The following EDNRB variants were observed in gnomAD, a reference collection of about 807,000 sequenced individuals.
EDNRB encodes Hirschsprung disease 2.
Under a neutral mutation model 46.4 loss-of-function variants are expected in EDNRB, and 18 were observed. That is an observed-to-expected ratio of 0.39 (90% CI 0.27 to 0.57). The LOEUF (loss-of-function observed/expected upper bound fraction) is 0.57, where lower values mean the gene tolerates loss of function less well. EDNRB is among the 20% of genes least tolerant of loss of function. The probability of loss-of-function intolerance (pLI) is 0.61; values close to 1 mark genes in which losing one functional copy is unlikely to be tolerated. For synonymous variants in EDNRB, 213 were observed against 204.9 expected (o/e 1.04, Z -0.34); for missense variants, 434 against 537.5 (o/e 0.81, Z 1.90).
At chr13:77,946,032 ACCATG>A (rs1230215268) in intron 1 of EDNRB, among the ~76,000 whole-genome samples, 2 of 152,192 alleles carry the variant, frequency 1.3e-5, no homozygotes, top group African/African-American at 4.8e-5. Flanking sequence ...TGAAAAATTT[ACCATG>A]CCGTGAATCC....
intron 1 of EDNRB, among the ~76,000 whole-genome samples, chr13:77,948,531 C>A (rs1306271572): frequency 6.6e-6 from 1 of 152,090 alleles, no homozygotes; most frequent in Non-Finnish European, 1.5e-5. Flanking sequence ...CTTTAAGAGG[C>A]TTTGCAAATG....
In EDNRB at chr13:77,954,563, G is replaced by T. The variant is rs529454765; in HGVS notation, c.-52+20784C>A. ...GTCTCACTCTGTCACCCAGGCTGGA[G>T]TGTAGTGGCACGATCTCGGCTCACT... On this transcript the variant is annotated intron_variant, in intron 1 of 7. Transcript: ENST00000646948. Among the ~76,000 whole-genome samples, 3 of 151,788 alleles carry T rather than the reference G, an allele frequency of 2.0e-5. No individual in the cohort carries two copies. In the East Asian group the frequency reaches 5.8e-4, roughly 29 times the overall value.
chr13:77,961,819 C>CA (rs1881421608), intron 1 of EDNRB, among the ~76,000 whole-genome samples: 1 of 152,026 alleles, frequency 6.6e-6, no homozygotes, highest in South Asian at 2.1e-4. Flanking sequence ...AAAAACCCTT[C>CA]AAAAAATCAA....
intron 1 of EDNRB, among the ~76,000 whole-genome samples, chr13:77,929,400 T>G (rs1880323668): frequency 6.6e-6 from 1 of 152,226 alleles, no homozygotes; most frequent in African/African-American, 2.4e-5. Flanking sequence ...TCCAATATTT[T>G]GTTGGCATCA....
At position 77,964,113 on chromosome 13, in the gene EDNRB, A is replaced by G. The variant is rs917350138; in HGVS notation, c.-52+11234T>C. Among the ~76,000 whole-genome samples the G allele has an allele frequency of 4.3e-4, 66 of 152,224 alleles. 3 individuals are homozygous for G. Among genetic ancestry groups the G allele is most frequent in the Non-Finnish European group, 1.9e-4 (13 of 68,034 alleles). On this transcript the variant is annotated intron_variant, in intron 1 of 7. Coordinates refer to the EDNRB transcript ENST00000646948. Reference sequence around the variant, plus strand: ...TTACAATGGCAATCATTAAAAAGTCAGGAAACAACAGGTGCTGGAGAGGAT... The same window carrying G: ...TTACAATGGCAATCATTAAAAAGTCGGGAAACAACAGGTGCTGGAGAGGAT...
chr13:77,914,290 C>T (rs916979891), intron 1 of EDNRB, among the ~76,000 whole-genome samples: 16 of 152,120 alleles, frequency 1.1e-4, no homozygotes, highest in African/African-American at 3.1e-4. Context: ...ATACTCAAAA[C>T]GCACATACAC....
At chr13:77,942,531 C>T (rs145867945) in intron 1 of EDNRB, among the ~76,000 whole-genome samples, 1,998 of 152,152 alleles carry the variant, frequency 0.013, 41 homozygotes, top group African/African-American at 0.046. Context: ...CATAATATTT[C>T]GTCTTTTCTT....
At chr13:77,957,952 T>C (rs1881288309) in intron 1 of EDNRB, among the ~76,000 whole-genome samples, 1 of 152,224 alleles carries the variant, frequency 6.6e-6, no homozygotes, top group African/African-American at 2.4e-5. Flanking sequence ...TTTTGCTATA[T>C]GTTAGAGTCT....
intron 1 of EDNRB, among the ~76,000 whole-genome samples, chr13:77,966,077 T>TA (rs966275457): frequency 7.9e-5 from 12 of 152,030 alleles, no homozygotes; most frequent in African/African-American, 2.9e-4. Context: ...TTTGAAGAGA[T>TA]AGAGTCTTGC....
At chr13:77,902,797 A>G (rs543891715) in intron 3 of EDNRB, among the ~76,000 whole-genome samples, 31 of 152,120 alleles carry the variant, frequency 2.0e-4, no homozygotes, top group African/African-American at 6.7e-4. Flanking sequence ...CTTCTATAGA[A>G]GTAAATTGCC....
chr13:77,936,995 T>C (rs1013226642), intron 1 of EDNRB, among the ~76,000 whole-genome samples: 8 of 152,188 alleles, frequency 5.3e-5, no homozygotes, highest in Non-Finnish European at 1.2e-4. Context: ...ATTCCTGTTG[T>C]GGGGTTTGAG....
chr13:77,906,737 A>G (rs555591215), intron 1 of EDNRB, among the ~76,000 whole-genome samples: 1 of 152,120 alleles, frequency 6.6e-6, no homozygotes, highest in South Asian at 2.1e-4. Context: ...TTCTTGAGAG[A>G]CCCTAAGCCA....
Position 77,897,154 on chromosome 13 carries a change from C to A in EDNRB, c.*1046G>T. ...TTTGTCATGTGGACACTGCACCAGG[C>A]AGTTCACAGTCTTTATTATGAGGTC... is the stretch of plus-strand genomic sequence containing the variant. On this transcript the variant is annotated 3_prime_UTR_variant, in exon 7 of 7. Coordinates refer to ENST00000646607, the MANE Select transcript of EDNRB (RefSeq NM_001122659.3). 1.0e-6 allele frequency: 1 copy of A among 985,514 alleles called. No individual in the cohort carries two copies. Among genetic ancestry groups the A allele is most frequent in the Non-Finnish European group, 1.2e-6 (1 of 830,096 alleles). The allele number at this position is 985,514 out of a possible 1,614,324, so 61.0% of individuals were successfully genotyped here. A position where few individuals can be genotyped will look rare whatever the true frequency, so the allele number is the denominator to read the frequency against.
intron 1 of EDNRB, among the ~76,000 whole-genome samples, chr13:77,961,160 C>T (rs907876099): frequency 1.3e-5 from 2 of 152,120 alleles, no homozygotes; most frequent in African/African-American, 4.8e-5. Context: ...CAAGGATACC[C>T]AGGAATTGAA....
intron 1 of EDNRB, among the ~76,000 whole-genome samples, chr13:77,961,458 A>G (rs1422772774): frequency 6.6e-6 from 1 of 152,204 alleles, no homozygotes; most frequent in African/African-American, 2.4e-5. Flanking sequence ...ATCAAACTAG[A>G]ACTCAGGATT....
Position 77,897,957 on chromosome 13 carries a change from CTG to C in EDNRB, c.*241_*242del, listed in dbSNP as rs1878719510. The C allele has an allele frequency of 7.8e-7, 1 of 1,280,434 alleles. No individual in the cohort carries two copies. Among genetic ancestry groups the C allele is most frequent in the South Asian group, 1.6e-5 (1 of 60,680 alleles). The allele number at this position is 1,280,434 out of a possible 1,614,324, so 79.3% of individuals were successfully genotyped here. On this transcript the variant is annotated 3_prime_UTR_variant, in exon 7 of 7. Transcript: ENST00000646607. ...GTTAAGAGCTATGTTGAAGTGCTAA[CTG>C]TAAAAAATTAAGTGCTTTCACGACG...
intron 1 of EDNRB, among the ~76,000 whole-genome samples, chr13:77,913,286 C>T (rs998908442): frequency 1.3e-5 from 2 of 152,072 alleles, no homozygotes; most frequent in Admixed American, 6.6e-5. Flanking sequence ...ACTAGTTAAA[C>T]GTTAAAGATC....
intron 3 of EDNRB, among the ~76,000 whole-genome samples, chr13:77,902,666 G>A (rs534274392): frequency 8.6e-4 from 131 of 151,966 alleles, no homozygotes; most frequent in Non-Finnish European, 1.4e-3. Context: ...TAGACTGTGC[G>A]GTCCAACCCT....
In EDNRB at chr13:77,918,796, A is replaced by C; in HGVS notation, c.-223T>G. On this transcript the variant is annotated 5_prime_UTR_variant, in exon 1 of 7. Coordinates refer to ENST00000646607, the MANE Select transcript of EDNRB (RefSeq NM_001122659.3). This position sits in a 1 kb window ranked among gnomAD's most constrained non-coding sequence, Gnocchi z 4.5. ...GCTCATGACTCGCCAGCGCGGGTCG[A>C]AACTCCTTCCTGATGCCCTCTCAGC... 1 of 1,321,660 alleles carries C rather than the reference A, an allele frequency of 7.6e-7. No individual in the cohort carries two copies. The highest frequency in any genetic ancestry group is 9.6e-7 in the Non-Finnish European group (1 of 1,041,180). The allele number at this position is 1,321,660 out of a possible 1,614,324, so 81.9% of individuals were successfully genotyped here. A position where few individuals can be genotyped will look rare whatever the true frequency, so the allele number is the denominator to read the frequency against.
Sources: allele counts gnomAD v4.1 joint callset (sites outside exome capture counted in the v4.1 genomes callset), GRCh38; gene constraint gnomAD v4.1.1; non-coding constraint Gnocchi (gnomAD v3.1); transcripts MANE v1.5; gene names NCBI Gene and HGNC (gene_info 2026-07-23, HGNC 2026-07-21).